ACTN2: variants seen among roughly 807,000 people sequenced by gnomAD.
ACTN2 encodes the protein actinin alpha 2.
ACTN2 carries 39 observed loss-of-function variants against 113.8 expected under a neutral mutation model. The ratio of observed to expected loss-of-function variants is 0.34; its 90% CI spans 0.27 to 0.45. The LOEUF (loss-of-function observed/expected upper bound fraction) is 0.45, where lower values mean the gene tolerates loss of function less well. Among genes scored for constraint, ACTN2 ranks in the 20% least tolerant of loss-of-function variants. ACTN2 has a pLI of 1.00. For synonymous variants in ACTN2, 429 were observed against 444.1 expected, an observed-to-expected ratio of 0.97 and a Z score of 0.43; for missense variants, 992 against 1,177.9, an observed-to-expected ratio of 0.84 and a Z score of 2.31.
Position 236,754,631 on chromosome 1 carries a change from A to C in ACTN2, c.1975-388A>C, listed in dbSNP as rs1365849488. Among the ~76,000 whole-genome samples, 2 of 152,178 alleles carry C rather than the reference A, an allele frequency of 1.3e-5. No homozygotes were observed. The highest frequency in any genetic ancestry group is 1.3e-4 in the Admixed American group (2 of 15,278). On this transcript the variant is annotated intron_variant, in intron 16 of 20. Transcript: ENST00000366578. This position sits in a 1 kb window ranked among gnomAD's most constrained non-coding sequence, Gnocchi z 4.9. Reference sequence around the variant, plus strand: ...AAATATAAGAAATTCTGATGGAGGAAGCATCCCGTGGGTCTTCAATCTGTC... The same window carrying C: ...AAATATAAGAAATTCTGATGGAGGACGCATCCCGTGGGTCTTCAATCTGTC...
intron 6 of ACTN2, among the ~76,000 whole-genome samples, chr1:236,730,801 A>C (rs939489027): frequency 2.0e-5 from 3 of 152,218 alleles, no homozygotes; most frequent in Non-Finnish European, 2.9e-5. Context: ...TTTAGCTAGC[A>C]ACATTTTTCT....
chr1:236,694,068 A>G (rs982113552), intron 1 of ACTN2, among the ~76,000 whole-genome samples: 2 of 152,152 alleles, frequency 1.3e-5, no homozygotes, highest in Non-Finnish European at 2.9e-5. Context: ...CTCCTTCTGC[A>G]GCTGCTTTAC....
chr1:236,758,068 TTAAC>T (rs1168082298), intron 18 of ACTN2, among the ~76,000 whole-genome samples: 1 of 152,150 alleles, frequency 6.6e-6, no homozygotes, highest in African/African-American at 2.4e-5. Flanking sequence ...TCTGTTTTAA[TTAAC>T]AAAATTGATG....
At position 236,762,797 on chromosome 1, in the gene ACTN2, A is replaced by G; in HGVS notation, c.*178A>G. ...AACACGGCTAAAATGAAGTTTTTACAGTATATGACATAGTGCGCTTCATAA... is the reference window on the plus strand; with the variant it reads ...AACACGGCTAAAATGAAGTTTTTACGGTATATGACATAGTGCGCTTCATAA... On this transcript the variant is annotated 3_prime_UTR_variant, in exon 21 of 21. Coordinates refer to ENST00000366578, the MANE Select transcript of ACTN2 (RefSeq NM_001103.4). 1 of 752,796 alleles carries G rather than the reference A, an allele frequency of 1.3e-6. No homozygotes were observed. Among genetic ancestry groups the G allele is most frequent in the East Asian group, 2.7e-5 (1 of 36,518 alleles). 46.6% of individuals were successfully genotyped at this position (752,796 alleles called of 1,614,324 possible).
intron 4 of ACTN2, among the ~76,000 whole-genome samples, chr1:236,722,746 T>C (rs1658435440): frequency 6.6e-6 from 1 of 152,104 alleles, no homozygotes; most frequent in Non-Finnish European, 1.5e-5. Context: ...CAGTGCTTTG[T>C]GATGCAATGA....
chr1:236,739,183 T>G, intron 9 of ACTN2, 119 bp from the exon 10 acceptor site: 1 of 1,052,158 alleles, frequency 9.5e-7, no homozygotes, highest in Non-Finnish European at 1.5e-6. Context: ...AGGTACCACA[T>G]CTCAGTGATT....
chr1:236,739,554 C>G (rs1659005133), intron 10 of ACTN2, 22 bp downstream of exon 10: 2 of 1,612,112 alleles, frequency 1.2e-6, no homozygotes, highest in African/African-American at 2.7e-5. Flanking sequence ...GCGCCAAGCC[C>G]TCCTGGCGCC....
chr1:236,725,256 A>C (rs953066359), intron 4 of ACTN2, among the ~76,000 whole-genome samples: 10 of 152,182 alleles, frequency 6.6e-5, no homozygotes, highest in African/African-American at 2.4e-4. Context: ...TCCTTTTCAA[A>C]TTGGACACTT....
intron 18 of ACTN2, 57 bp downstream of exon 18, chr1:236,757,689 A>G: frequency 6.3e-7 from 1 of 1,599,214 alleles, no homozygotes; most frequent in Non-Finnish European, 8.6e-7. Context: ...AATGTATCTG[A>G]AATAATATGC....
chr1:236,740,683 C>A (rs1659041926), intron 10 of ACTN2, among the ~76,000 whole-genome samples: 1 of 152,046 alleles, frequency 6.6e-6, no homozygotes. Context: ...CTGGTGCCCG[C>A]CACCACGGCC....
chr1:236,722,679 CTG>C (rs1658433110), intron 4 of ACTN2, among the ~76,000 whole-genome samples: 1 of 149,842 alleles, frequency 6.7e-6, no homozygotes, highest in Non-Finnish European at 1.5e-5. Flanking sequence ...ATTAATATAT[CTG>C]TTGATGAAGG....
At chr1:236,701,250 CT>C (rs1033832530) in intron 1 of ACTN2, among the ~76,000 whole-genome samples, 12 of 151,718 alleles carry the variant, frequency 7.9e-5, no homozygotes, top group South Asian at 2.1e-4. Flanking sequence ...ACCCAAGTGA[CT>C]TTTTTTTTCC....
intron 1 of ACTN2, among the ~76,000 whole-genome samples, chr1:236,715,668 GC>G (rs1235614910): frequency 4.6e-5 from 7 of 152,156 alleles, no homozygotes; most frequent in African/African-American, 1.7e-4. Flanking sequence ...AAAGTATATG[GC>G]TTAAGACCGA....
intron 4 of ACTN2, among the ~76,000 whole-genome samples, chr1:236,721,022 G>GTTTTTTTTTTTTT (rs869077774): frequency 6.9e-4 from 46 of 66,488 alleles, no homozygotes; most frequent in Non-Finnish European, 1.0e-3. Flanking sequence ...TTTGTTTTTT[G>GTTTTTTTTTTTTT]TTTTTTTTTT....
chr1:236,742,812 G>T, intron 10 of ACTN2, 84 bp from the exon 11 acceptor site: 1 of 1,530,210 alleles, frequency 6.5e-7, no homozygotes, highest in Non-Finnish European at 9.0e-7. Context: ...GTAGTGGAGG[G>T]ATTTATAGAA....
intron 1 of ACTN2, among the ~76,000 whole-genome samples, chr1:236,704,408 A>G (rs910366710): frequency 6.6e-6 from 1 of 152,136 alleles, no homozygotes; most frequent in African/African-American, 2.4e-5. Context: ...AGTGTATTTG[A>G]TTCTGACACT....
In ACTN2 at chr1:236,718,797, T is replaced by G. The variant is rs1375209064; in HGVS notation, c.242-97T>G. On this transcript the variant is annotated intron_variant, in intron 2 of 20. Transcript: ENST00000366578. ...TCAGAAATAGTCATGTAACCTTCTCTTTTTAAGGAAAAGATGGATGCTTAG... is the reference window on the plus strand; with the variant it reads ...TCAGAAATAGTCATGTAACCTTCTCGTTTTAAGGAAAAGATGGATGCTTAG... 3 of 1,570,246 alleles carry G rather than the reference T, an allele frequency of 1.9e-6. No homozygotes were observed. The South Asian group carries it at 3.4e-5, about 18-fold the overall frequency.
rs146568303 is a variant in ACTN2 at position 236,739,351 on chromosome 1, C to T, written c.926C>T (p.Pro309Leu). The T allele has an allele frequency of 1.4e-5, 22 of 1,613,976 alleles. No individual in the cohort carries two copies. The African/African-American group carries it at 2.8e-4, about 21-fold the overall frequency. Residue 309 changes from proline to leucine, a missense_variant, in exon 10 of 21, where the codon CCC becomes CTC. Physicochemically the swap from Pro to Leu is moderately conservative, Grantham distance 98 (BLOSUM62 -3). Around this residue, in one of 3 missense-constraint regions of ACTN2, gnomAD observed 736 missense variants for 815.4 expected, o/e 0.90. Coordinates refer to ENST00000366578, the MANE Select transcript of ACTN2 (RefSeq NM_001103.4). ...ATCCCCTGGCTGGAGAACCGGACTC[C>T]CGAGAAGACCATGCAAGCCATGCAG... ...RTIPWLENRT[P>L]EKTMQAMQKK...
At chr1:236,731,169 C>T (rs1658701724) in intron 6 of ACTN2, 64 bp from the exon 7 acceptor site, 8 of 1,308,254 alleles carry the variant, frequency 6.1e-6, no homozygotes, top group Non-Finnish European at 8.9e-6. Flanking sequence ...ACATAAGAAA[C>T]ATTCTTCATA....
Sources: gnomAD v4.1 joint callset for allele counts (sites outside exome capture counted in the v4.1 genomes callset) on GRCh38, gnomAD v4.1.1 for gene constraint, gnomAD v4.1.1 regional missense constraint, Gnocchi (gnomAD v3.1) non-coding constraint, MANE v1.5 for transcripts, NCBI Gene and HGNC (gene_info 2026-07-23, HGNC 2026-07-21) for gene names.